The following GRAMD2B variants were observed in gnomAD, a reference collection of about 807,000 sequenced individuals.
GRAMD2B encodes the protein GRAM domain-containing protein 2B.
Under a neutral mutation model 59.2 loss-of-function variants are expected in GRAMD2B, and 41 were observed. That is an observed-to-expected ratio of 0.69 (90% confidence interval 0.54 to 0.90). GRAMD2B has a LOEUF of 0.90. GRAMD2B is among the 40% of genes least tolerant of loss of function. The pLI is 0.00. For synonymous variants in GRAMD2B, 161 were observed against 182.7 expected, an observed-to-expected ratio of 0.88 and a Z score of 0.96; for missense variants, 424 against 500.5, an observed-to-expected ratio of 0.85 and a Z score of 1.46.
At chr5:126,475,448 A>G (rs1197555645) in intron 5 of GRAMD2B, among the ~76,000 whole-genome samples, 1 of 152,218 alleles carries the variant, frequency 6.6e-6, no homozygotes, top group Non-Finnish European at 1.5e-5. Flanking sequence ...ATCTAAGTAG[A>G]TCTCAAATTC....
chr5:126,413,977 C>T (rs906797020), intron 1 of GRAMD2B, among the ~76,000 whole-genome samples: 3 of 152,144 alleles, frequency 2.0e-5, no homozygotes, highest in Non-Finnish European at 4.4e-5. Context: ...TAATCTGACT[C>T]TTAACCATTC....
At chr5:126,475,740 G>A (rs926129411) in intron 5 of GRAMD2B, among the ~76,000 whole-genome samples, 7 of 152,186 alleles carry the variant, frequency 4.6e-5, no homozygotes, top group East Asian at 1.9e-4. Flanking sequence ...CAAGGCGGGC[G>A]GATCACCTGA....
In GRAMD2B at chr5:126,470,463, T is replaced by G. The variant is rs545558748; in HGVS notation, c.315+675T>G. Among the ~76,000 whole-genome samples the G allele has an allele frequency of 2.6e-5, 4 of 152,216 alleles. No individual in the cohort carries two copies. In the South Asian group the frequency reaches 8.3e-4, roughly 32 times the overall value. On this transcript the variant is annotated intron_variant, in intron 3 of 13. Transcript: ENST00000285689. ...ATTAATACAAAATTCACTTTTGAATTTCCATAGTAGTCCCAGTAATAAATA... is the reference window on the plus strand; with the variant it reads ...ATTAATACAAAATTCACTTTTGAATGTCCATAGTAGTCCCAGTAATAAATA...
chr5:126,392,978 C>G (rs1756973527), intron 1 of GRAMD2B, among the ~76,000 whole-genome samples: 2 of 152,180 alleles, frequency 1.3e-5, no homozygotes, highest in Non-Finnish European at 2.9e-5. Context: ...ATTTCTGTTT[C>G]ATAGGAATTA....
intron 1 of GRAMD2B, among the ~76,000 whole-genome samples, chr5:126,388,627 T>G (rs1258297352): frequency 1.3e-5 from 2 of 151,600 alleles, no homozygotes; most frequent in Non-Finnish European, 2.9e-5. Context: ...TTGGGAATAT[T>G]CATCTTAATA....
rs898084835 is a variant in GRAMD2B, at chr5:126,494,075, C to T, written c.*1119C>T. ...AAGCTAATAAGCGAATTGGTTACAT[C>T]GTTTGTATCTGTTGGCCTAGTGGAC... On this transcript the variant is annotated 3_prime_UTR_variant, in exon 14 of 14. Coordinates refer to ENST00000285689, the MANE Select transcript of GRAMD2B (RefSeq NM_023927.4). 2 of 152,600 alleles carry T rather than the reference C, an allele frequency of 1.3e-5. No individual in the cohort carries two copies. Among genetic ancestry groups the T allele is most frequent in the African/African-American group, 4.8e-5 (2 of 41,448 alleles). The allele number at this position is 152,600 out of a possible 1,614,324, so 9.5% of individuals were successfully genotyped here. A position where few individuals can be genotyped will look rare whatever the true frequency, so the allele number is the denominator to read the frequency against.
chr5:126,403,510 G>A (rs1395149109), intron 1 of GRAMD2B, among the ~76,000 whole-genome samples: 8 of 151,914 alleles, frequency 5.3e-5, no homozygotes, highest in Non-Finnish European at 1.2e-4. Context: ...TATTTATTGA[G>A]CACTCGTAAT....
At chr5:126,372,996 TATAG>T (rs1183545547) in intron 1 of GRAMD2B, among the ~76,000 whole-genome samples, 7 of 152,168 alleles carry the variant, frequency 4.6e-5, no homozygotes, top group Admixed American at 2.0e-4. Flanking sequence ...TTTTCATAAT[TATAG>T]ATAAATAGAA....
intron 1 of GRAMD2B, among the ~76,000 whole-genome samples, chr5:126,414,488 C>A (rs1175014896): frequency 6.6e-6 from 1 of 152,118 alleles, no homozygotes; most frequent in Non-Finnish European, 1.5e-5. Flanking sequence ...GAGGCAGGGT[C>A]TCACTCATCA....
chr5:126,432,601 G>T (rs1761754068), intron 1 of GRAMD2B, among the ~76,000 whole-genome samples: 1 of 152,074 alleles, frequency 6.6e-6, no homozygotes, highest in Non-Finnish European at 1.5e-5. Context: ...CACCTCATTA[G>T]ATCTATTTAA....
intron 2 of GRAMD2B, among the ~76,000 whole-genome samples, chr5:126,469,221 C>T (rs1769072850): frequency 6.6e-6 from 1 of 152,142 alleles, no homozygotes; most frequent in Non-Finnish European, 1.5e-5. Context: ...TGTCCTAAAG[C>T]ATGTGCTGTG....
At chr5:126,407,278 T>A (rs1307884970) in intron 1 of GRAMD2B, among the ~76,000 whole-genome samples, 1 of 151,954 alleles carries the variant, frequency 6.6e-6, no homozygotes, top group African/African-American at 2.4e-5. Context: ...TATCAACAAA[T>A]GTTACAGACA....
rs542286533 is a variant in GRAMD2B at position 126,463,741 on chromosome 5, G to A, written c.84-1685G>A. Among the ~76,000 whole-genome samples, 9 of 152,292 alleles carry A rather than the reference G, an allele frequency of 5.9e-5. No individual in the cohort carries two copies. The South Asian group carries it at 8.3e-4, about 14-fold the overall frequency. On this transcript the variant is annotated intron_variant, in intron 1 of 13. Transcript: ENST00000285689. Reference sequence around the variant, plus strand: ...AATTAAGAGCGTCAACCATTTGGCCGGGTGCAGTGGCTCACGCCTGTAATC... The same window carrying A: ...AATTAAGAGCGTCAACCATTTGGCCAGGTGCAGTGGCTCACGCCTGTAATC...
At chr5:126,455,654 G>T (rs1766152346) in intron 1 of GRAMD2B, among the ~76,000 whole-genome samples, 1 of 152,184 alleles carries the variant, frequency 6.6e-6, no homozygotes, top group Non-Finnish European at 1.5e-5. Context: ...TGAAAGTTTT[G>T]ATTTCTCCAA....
intron 1 of GRAMD2B, among the ~76,000 whole-genome samples, chr5:126,408,972 G>A (rs1223025166): frequency 3.6e-4 from 55 of 151,244 alleles, no homozygotes; most frequent in Admixed American, 3.6e-3. Flanking sequence ...AGTTTACTGA[G>A]AATGATGATT....
At chr5:126,422,129 A>G (rs1759789537), upstream of GRAMD2B, among the ~76,000 whole-genome samples, 1 of 152,220 alleles carries the variant, frequency 6.6e-6, no homozygotes, top group African/African-American at 2.4e-5. Flanking sequence ...CCTGCAGCCC[A>G]GAACAGCTGT....
At chr5:126,448,596 A>G (rs34830028) in intron 1 of GRAMD2B, among the ~76,000 whole-genome samples, 48,295 of 152,002 alleles carry the variant, frequency 0.32, 7,947 homozygotes, top group African/African-American at 0.39. Context: ...GAGGGGTCAC[A>G]TATAACTCAA....
At position 126,423,503 on chromosome 5, in the gene GRAMD2B, C is replaced by A. The variant is rs899044047; in HGVS notation, c.-104C>A. 21 of 1,531,290 alleles carry A rather than the reference C, an allele frequency of 1.4e-5. No homozygotes were observed. The highest frequency in any genetic ancestry group is 1.1e-4 in the Admixed American group (5 of 45,594). The allele number at this position is 1,531,290 out of a possible 1,614,324, so 94.9% of individuals were successfully genotyped here. The stretch of plus-strand genomic sequence containing the variant: ...TGGGCGGAGGGTGCAGGGGAGGGCA[C>A]GGCGCCGCTTGCTTGGCCTGCGCAC... On this transcript the variant is annotated 5_prime_UTR_variant, in exon 1 of 14. Coordinates refer to ENST00000285689, the MANE Select transcript of GRAMD2B (RefSeq NM_023927.4).
Position 126,465,565 on chromosome 5 carries a change from T to C in GRAMD2B, c.203+20T>C. 1 of 1,606,694 alleles carries C rather than the reference T, an allele frequency of 6.2e-7. No homozygotes were observed. Among genetic ancestry groups the C allele is most frequent in the Non-Finnish European group, 8.5e-7 (1 of 1,177,034 alleles). On this transcript the variant is annotated intron_variant, in intron 2 of 13. Coordinates refer to ENST00000285689, the MANE Select transcript of GRAMD2B (RefSeq NM_023927.4). Reference sequence around the variant, plus strand: ...CCTATGGTAAGTCCTCCGTTGACTCTCTTTGTTCTCTTTTGTCTTTTGGGG... The same window carrying C: ...CCTATGGTAAGTCCTCCGTTGACTCCCTTTGTTCTCTTTTGTCTTTTGGGG...
Sources: allele counts gnomAD v4.1 joint callset (sites outside exome capture counted in the v4.1 genomes callset), GRCh38; gene constraint gnomAD v4.1.1; transcripts MANE v1.5; gene names NCBI Gene and HGNC (gene_info 2026-07-23, HGNC 2026-07-21).